Variants in SLC7A10 observed in about 807,000 individuals in gnomAD.
SLC7A10 encodes solute carrier family 7 member 10, also known as asc-type amino acid transporter 1.
SLC7A10 carries 30 observed loss-of-function variants against 52.7 expected under a neutral mutation model. That is an observed-to-expected ratio of 0.57 (90% CI 0.43 to 0.77). SLC7A10 has a LOEUF of 0.77. SLC7A10 is among the 30% of genes least tolerant of loss of function. The pLI is 0.00. For missense variants in SLC7A10, 581 were observed against 698.5 expected, an observed-to-expected ratio of 0.83 and a Z score of 1.90; for synonymous variants, 318 against 314.9, an observed-to-expected ratio of 1.01 and a Z score of -0.10.
In SLC7A10 at chr19:33,213,957, G is replaced by A. The variant is rs529115970; in HGVS notation, c.357-955C>T. On this transcript the variant is annotated intron_variant, in intron 2 of 10. Coordinates refer to ENST00000253188, the MANE Select transcript of SLC7A10 (RefSeq NM_019849.3). ...CCTCCAGGGAGAGGACTGCCTCATC[G>A]GGGACATCAGCCATCTCTGGATCAC... 3.4e-4 allele frequency among the ~76,000 whole-genome samples: 51 copies of A among 152,166 alleles called. No homozygotes were observed. The East Asian group carries it at 6.4e-3, about 19-fold the overall frequency.
intron 2 of SLC7A10, among the ~76,000 whole-genome samples, chr19:33,214,160 C>T (rs1019623565): frequency 6.6e-6 from 1 of 152,148 alleles, no homozygotes; most frequent in East Asian, 1.9e-4. Context: ...CATGATTATT[C>T]TGCTTTCTTG....
In SLC7A10 at chr19:33,210,859, G is replaced by T. The variant is rs1357136934; in HGVS notation, c.1056C>A (p.Ser352Arg). Reference protein sequence around the residue: ...FSGAREGHLPSLLAMIHVRHC... With the variant: ...FSGAREGHLPRLLAMIHVRHC... ...GTCTGACGTGGATCATGGCCAGCAGGCTGGGCAGGTGCCCCTCGCGGGCTC... is the reference window on the plus strand; with the variant it reads ...GTCTGACGTGGATCATGGCCAGCAGTCTGGGCAGGTGCCCCTCGCGGGCTC... The change falls in exon 8 of 11, where the codon AGC (serine) becomes AGA (arginine). Residue 352 changes from serine (S) to arginine (R), a missense_variant. By Grantham distance (110) the Ser-to-Arg change is moderately radical. Transcript: ENST00000253188. This position sits in a 1 kb window ranked among gnomAD's most constrained non-coding sequence, Gnocchi z 5.6. The T allele has an allele frequency of 1.2e-6, 2 of 1,613,474 alleles. No homozygotes were observed. The highest frequency in any genetic ancestry group is 1.7e-5 in the Admixed American group (1 of 60,032).
intron 1 of SLC7A10, among the ~76,000 whole-genome samples, chr19:33,218,441 A>C (rs981002111): frequency 7.1e-4 from 108 of 151,970 alleles, no homozygotes; most frequent in African/African-American, 2.5e-3. Flanking sequence ...GGCCTAGACC[A>C]CTCGCAGCAT....
At chr19:33,219,228 G>A (rs146274437) in intron 1 of SLC7A10, among the ~76,000 whole-genome samples, 4 of 152,214 alleles carry the variant, frequency 2.6e-5, no homozygotes, top group East Asian at 1.9e-4. Flanking sequence ...TCCACCACCC[G>A]CCCCTCTTCC....
In SLC7A10 at chr19:33,210,438, G is replaced by T; in HGVS notation, c.1263+29C>A. On this transcript the variant is annotated intron_variant, in intron 9 of 10. Transcript: ENST00000253188. The surrounding 1 kb of genome is among the most constrained non-coding windows in gnomAD (Gnocchi z 5.6). ...GCAGGGGTGGCTCTGGCAGCACCCG[G>T]CACAGGGCCAGCTGTCCCAGGGCCT... is the stretch of plus-strand genomic sequence containing the variant. 1 of 1,558,304 alleles carries T rather than the reference G, an allele frequency of 6.4e-7. No individual in the cohort carries two copies. Among genetic ancestry groups the T allele is most frequent in the Non-Finnish European group, 8.6e-7 (1 of 1,158,914 alleles).
chr19:33,222,954 C>T (rs987460741), intron 1 of SLC7A10, among the ~76,000 whole-genome samples: 25 of 152,112 alleles, frequency 1.6e-4, no homozygotes, highest in South Asian at 8.3e-4. Context: ...CTAGGAGGGT[C>T]GCTGTGGAAG....
Position 33,211,381 on chromosome 19 carries a change from C to A in SLC7A10, c.912+33G>T, listed in dbSNP as rs751885508. 3.7e-6 allele frequency: 6 copies of A among 1,613,612 alleles called. No individual in the cohort carries two copies. In the Admixed American group the frequency reaches 1.0e-4, roughly 27 times the overall value. On this transcript the variant is annotated intron_variant, in intron 6 of 10. Transcript: ENST00000253188. Reference sequence around the variant, plus strand: ...TGTAAGGCCGGGGCAGGGGCCTGGGCAGGAGCCAGGGACCGAGCAGGGGCC... The same window carrying A: ...TGTAAGGCCGGGGCAGGGGCCTGGGAAGGAGCCAGGGACCGAGCAGGGGCC...
rs1417265171 is a variant in SLC7A10, at chr19:33,211,413, C to T, written c.912+1G>A. 3.7e-6 allele frequency: 6 copies of T among 1,613,784 alleles called. No individual in the cohort carries two copies. The highest frequency in any genetic ancestry group is 5.1e-6 in the Non-Finnish European group (6 of 1,179,954). On this transcript the variant is annotated splice_donor_variant, in intron 6 of 10. Transcript: ENST00000253188. LOFTEE classifies it high-confidence loss of function. Reference sequence around the variant, plus strand: ...CAGGGACCGAGCAGGGGCCCACTCACCACAGCCACCGCATTGGAGGAGAGC... The same window carrying T: ...CAGGGACCGAGCAGGGGCCCACTCATCACAGCCACCGCATTGGAGGAGAGC...
rs529173100 is a variant in SLC7A10 at position 33,225,030 on chromosome 19, G to C, written c.151+523C>G. Among the ~76,000 whole-genome samples, 42 of 152,310 alleles carry C rather than the reference G, an allele frequency of 2.8e-4. 2 individuals carry two copies. In the South Asian group the frequency reaches 7.7e-3, roughly 28 times the overall value. On this transcript the variant is annotated intron_variant, in intron 1 of 10. Coordinates refer to ENST00000253188, the MANE Select transcript of SLC7A10 (RefSeq NM_019849.3). ...TGCTCTGAACCTCCGTCCCTTCTGCGCAGGCTGCGCTTGCTCACTCTGCTC... is the reference window on the plus strand; with the variant it reads ...TGCTCTGAACCTCCGTCCCTTCTGCCCAGGCTGCGCTTGCTCACTCTGCTC...
Position 33,209,037 on chromosome 19 carries a change from T to C in SLC7A10, c.1442-16A>G, listed in dbSNP as rs1369517553. 1 of 1,613,154 alleles carries C rather than the reference T, an allele frequency of 6.2e-7. No individual in the cohort carries two copies. The highest frequency in any genetic ancestry group is 1.3e-5 in the African/African-American group (1 of 74,900). ...GTCATGGACTCTGAGGACAGACAGA[T>C]GGACCTTGGGGCCTGACCTCTCGGG... On this transcript the variant is annotated splice_polypyrimidine_tract_variant and intron_variant, in intron 10 of 10. Transcript: ENST00000253188.
At chr19:33,225,440 G>A in intron 1 of SLC7A10, 113 bp downstream of exon 1, 1 of 1,324,450 alleles carries the variant, frequency 7.6e-7, no homozygotes, top group Middle Eastern at 2.5e-4. Flanking sequence ...CCAGACTGCA[G>A]GTTCCCCAGG....
At chr19:33,209,286 G>A in intron 10 of SLC7A10, 22 bp downstream of exon 10, 1 of 1,613,494 alleles carries the variant, frequency 6.2e-7, no homozygotes, top group African/African-American at 1.3e-5. Context: ...TGTGCTGGGT[G>A]ACCTGCAGCT....
At chr19:33,225,521 G>A in intron 1 of SLC7A10, 32 bp downstream of exon 1, 2 of 1,593,312 alleles carry the variant, frequency 1.3e-6, no homozygotes, top group Non-Finnish European at 1.7e-6. Context: ...TTCGGCCTCC[G>A]CCCGGCGCCC....
At chr19:33,219,594 C>T (rs1159214291) in intron 1 of SLC7A10, among the ~76,000 whole-genome samples, 1 of 152,258 alleles carries the variant, frequency 6.6e-6, no homozygotes, top group Non-Finnish European at 1.5e-5. Flanking sequence ...CCAGTTTCCC[C>T]ATCTGCCAGG....
At position 33,215,780 on chromosome 19, in the gene SLC7A10, C is replaced by T. The variant is rs1437709363; in HGVS notation, c.345G>A (p.Gly115=). 2 of 1,557,052 alleles carry T rather than the reference C, an allele frequency of 1.3e-6. No homozygotes were observed. Among genetic ancestry groups the T allele is most frequent in the Non-Finnish European group, 1.7e-6 (2 of 1,150,322 alleles). The change falls in exon 2 of 11, where the codon GGG becomes GGA. Residue 115 remains glycine (G), a synonymous_variant. Transcript: ENST00000253188. ...TGCCCCACACTCACCCAGCCAGGCC[C>T]CCGAAGATCTCTGTGACGTAGGCGT... ...GDYAYVTEIF[G]GLAGFLLLWS... is the part of the protein sequence containing the mutation.
intron 1 of SLC7A10, among the ~76,000 whole-genome samples, chr19:33,218,076 T>G (rs574464263): frequency 1.3e-4 from 20 of 152,014 alleles, no homozygotes; most frequent in Admixed American, 1.2e-3. Flanking sequence ...GCCAGGGAGG[T>G]TGGAAGCCAG....
chr19:33,220,383 C>A (rs181588568), intron 1 of SLC7A10: 1 of 152,176 alleles, frequency 6.6e-6, no homozygotes, highest in Non-Finnish European at 1.5e-5. Context: ...CGTTGCCAAA[C>A]GCAACAGTCG....
Position 33,225,814 on chromosome 19 carries a change from A to G in SLC7A10, c.-111T>C. On this transcript the variant is annotated 5_prime_UTR_variant, in exon 1 of 11. Coordinates refer to ENST00000253188, the MANE Select transcript of SLC7A10 (RefSeq NM_019849.3). ...GGCCCTCGCAGCCGGGACAGCGCCC[A>G]CAGGCGGGCGCATGCGCTGGCTCCG... 8.2e-7 allele frequency: 1 copy of G among 1,218,190 alleles called. No individual in the cohort carries two copies. Among genetic ancestry groups the G allele is most frequent in the Non-Finnish European group, 1.0e-6 (1 of 961,418 alleles). 75.5% of individuals were successfully genotyped at this position (1,218,190 alleles called of 1,614,324 possible). A position where few individuals can be genotyped will look rare whatever the true frequency, so the allele number is the denominator to read the frequency against.
rs751553449 is a variant in SLC7A10, at chr19:33,225,654, G to C, written c.50C>G (p.Ala17Gly). ...CCCTGGGACTGGGGAGGGCGAGGGC[G>C]CAGGCCTGGGGTTCCCGCGCCCGCT... ...QPSGRGNPRP[A>G]PSPSPVPGTV... The change falls in exon 1 of 11, where the codon GCG becomes GGG. Residue 17 changes from alanine (A) to glycine (G), a missense_variant. Ala to Gly is a moderately conservative substitution (Grantham distance 60). Coordinates refer to ENST00000253188, the MANE Select transcript of SLC7A10 (RefSeq NM_019849.3). 2 of 1,578,946 alleles carry C rather than the reference G, an allele frequency of 1.3e-6. No homozygotes were observed. Among genetic ancestry groups the C allele is most frequent in the Non-Finnish European group, 1.7e-6 (2 of 1,171,964 alleles).
Sources: gnomAD v4.1 joint callset for allele counts (sites outside exome capture counted in the v4.1 genomes callset) on GRCh38, gnomAD v4.1.1 for gene constraint, Gnocchi (gnomAD v3.1) non-coding constraint, MANE v1.5 for transcripts, NCBI Gene and HGNC (gene_info 2026-07-23, HGNC 2026-07-21) for gene names.